Variants in CACNA2D1 observed in about 807,000 individuals in gnomAD.
CACNA2D1 encodes calcium voltage-gated channel auxiliary subunit alpha2delta 1.
Under a neutral mutation model 171.5 loss-of-function variants are expected in CACNA2D1, and 53 were observed. The observed-to-expected ratio is 0.31, with a 90% CI of 0.25 to 0.39. CACNA2D1 has a LOEUF of 0.39. CACNA2D1 is among the 10% of genes least tolerant of loss of function. The pLI is 1.00. For synonymous variants in CACNA2D1, 442 were observed against 443.1 expected, an observed-to-expected ratio of 1.00 and a Z score of 0.03; for missense variants, 903 against 1,299.8, an observed-to-expected ratio of 0.69 and a Z score of 4.69.
At chr7:82,118,336 C>G (rs1789318021) in intron 5 of CACNA2D1, among the ~76,000 whole-genome samples, 2 of 152,054 alleles carry the variant, frequency 1.3e-5, no homozygotes, top group South Asian at 4.1e-4. Context: ...TCAGTCAAAA[C>G]AGGTTTTAAC....
In CACNA2D1 at chr7:81,946,519, T is replaced by G. The variant is rs1562751486; in HGVS notation, c.*3873A>C. 1 of 152,176 alleles carries G rather than the reference T, an allele frequency of 6.6e-6. No individual in the cohort carries two copies. The highest frequency in any genetic ancestry group is 2.1e-4 in the South Asian group (1 of 4,838). 9.4% of individuals were successfully genotyped at this position (152,176 alleles called of 1,614,324 possible). A position where few individuals can be genotyped will look rare whatever the true frequency, so the allele number is the denominator to read the frequency against. ...TTTAACACAACATTTTCTGGGATTA[T>G]AAATATTTTATAACAGTATTATACA... On this transcript the variant is annotated 3_prime_UTR_variant, in exon 39 of 39. Transcript: ENST00000356860.
chr7:82,386,032 A>C (rs1824322764), intron 1 of CACNA2D1, among the ~76,000 whole-genome samples: 1 of 152,178 alleles, frequency 6.6e-6, no homozygotes. Flanking sequence ...TAAACGCATT[A>C]GAAATGACTG....
chr7:82,007,608 C>G, intron 16 of CACNA2D1, 71 bp downstream of exon 16: 2 of 844,322 alleles, frequency 2.4e-6, no homozygotes, highest in Non-Finnish European at 2.0e-6. Context: ...ATGGAAATAT[C>G]TTATCCATGT....
intron 3 of CACNA2D1, among the ~76,000 whole-genome samples, chr7:82,221,617 T>A (rs892640059): frequency 1.3e-5 from 2 of 151,946 alleles, no homozygotes; most frequent in African/African-American, 4.8e-5. Context: ...TGATGGCAGT[T>A]GCCTATAATC....
At chr7:82,397,670 T>A (rs1489432422) in intron 1 of CACNA2D1, among the ~76,000 whole-genome samples, 2 of 152,202 alleles carry the variant, frequency 1.3e-5, no homozygotes, top group East Asian at 3.8e-4. Flanking sequence ...AGCAACTGAT[T>A]CCTTCTGACA....
intron 1 of CACNA2D1, among the ~76,000 whole-genome samples, chr7:82,437,721 C>A (rs112069341): frequency 3.4e-5 from 3 of 88,684 alleles, no homozygotes; most frequent in African/African-American, 2.0e-4. Context: ...TATAAAGGAG[C>A]AATGACCGCT....
intron 2 of CACNA2D1, among the ~76,000 whole-genome samples, chr7:82,341,125 T>C (rs1159395827): frequency 6.6e-6 from 1 of 152,194 alleles, no homozygotes; most frequent in African/African-American, 2.4e-5. Flanking sequence ...ACTTGTTCCC[T>C]AGCAACTAAG....
chr7:82,123,692 A>G (rs1287815475), intron 5 of CACNA2D1, among the ~76,000 whole-genome samples: 1 of 152,182 alleles, frequency 6.6e-6, no homozygotes, highest in Non-Finnish European at 1.5e-5. Flanking sequence ...GACAAATCCA[A>G]AATGTGTAGC....
intron 1 of CACNA2D1, among the ~76,000 whole-genome samples, chr7:82,417,166 T>C (rs1179017941): frequency 6.6e-6 from 1 of 152,212 alleles, no homozygotes; most frequent in Non-Finnish European, 1.5e-5. Flanking sequence ...GATCACACCA[T>C]ATGGCAGATG....
intron 1 of CACNA2D1, among the ~76,000 whole-genome samples, chr7:82,351,901 A>G (rs1195864921): frequency 6.6e-6 from 1 of 152,170 alleles, no homozygotes; most frequent in East Asian, 1.9e-4. Context: ...TCTCTTCTCA[A>G]ATATAATTTC....
intron 15 of CACNA2D1, chr7:82,009,066 G>C (rs978192811): frequency 3.9e-5 from 6 of 152,148 alleles, no homozygotes; most frequent in Admixed American, 6.6e-5. Flanking sequence ...TTGTGGGAGA[G>C]ATCCAGAGGT....
At chr7:82,104,628 A>G (rs140441513) in intron 6 of CACNA2D1, among the ~76,000 whole-genome samples, 4,323 of 152,116 alleles carry the variant, frequency 0.028, 79 homozygotes, top group South Asian at 0.068. Flanking sequence ...AAGGCTATCC[A>G]GTTCACACTA....
intron 5 of CACNA2D1, among the ~76,000 whole-genome samples, chr7:82,133,537 C>T (rs1002085070): frequency 6.6e-6 from 1 of 152,100 alleles, no homozygotes; most frequent in Non-Finnish European, 1.5e-5. Flanking sequence ...TATCAAAATT[C>T]ATTAAAATGT....
chr7:82,425,066 C>T (rs1445248341), intron 1 of CACNA2D1, among the ~76,000 whole-genome samples: 1 of 152,122 alleles, frequency 6.6e-6, no homozygotes, highest in Non-Finnish European at 1.5e-5. Context: ...AATTATGTGA[C>T]GTTATGTGGT....
At chr7:82,376,026 C>T (rs906690886) in intron 1 of CACNA2D1, among the ~76,000 whole-genome samples, 3 of 152,062 alleles carry the variant, frequency 2.0e-5, no homozygotes, top group Non-Finnish European at 4.4e-5. Flanking sequence ...CCTTAAGCCC[C>T]CTACCTCTTG....
intron 10 of CACNA2D1, chr7:82,050,449 G>A (rs1434152356): frequency 1.6e-6 from 1 of 616,886 alleles, no homozygotes; most frequent in Non-Finnish European, 2.9e-6. Context: ...GGACAGCCAG[G>A]GGTCACCTGC....
At chr7:82,058,981 T>C (rs557922323) in intron 10 of CACNA2D1, among the ~76,000 whole-genome samples, 2 of 152,234 alleles carry the variant, frequency 1.3e-5, no homozygotes, top group African/African-American at 4.8e-5. Context: ...TAAATTCTCT[T>C]CCTCCTAGTA....
intron 3 of CACNA2D1, among the ~76,000 whole-genome samples, chr7:82,263,875 A>C (rs894401336): frequency 2.6e-5 from 4 of 152,192 alleles, no homozygotes; most frequent in African/African-American, 9.6e-5. Flanking sequence ...AAAATGAAAC[A>C]TGCTACAATA....
At chr7:81,958,995 A>G (rs144827286) in intron 38 of CACNA2D1, among the ~76,000 whole-genome samples, 59 of 152,164 alleles carry the variant, frequency 3.9e-4, no homozygotes, top group African/African-American at 1.4e-3. Context: ...GGCAACAAAT[A>G]TACCATAATT....
Sources: gnomAD v4.1 joint callset for allele counts (sites outside exome capture counted in the v4.1 genomes callset) on GRCh38, gnomAD v4.1.1 for gene constraint, MANE v1.5 for transcripts, NCBI Gene and HGNC (gene_info 2026-07-23, HGNC 2026-07-21) for gene names.